Variants in NFE2L2 observed in about 807,000 individuals in gnomAD.
The protein encoded by NFE2L2 is nuclear factor erythroid 2-related factor 2.
Under a neutral mutation model 49.6 loss-of-function variants are expected in NFE2L2, and 20 were observed. The ratio of observed to expected loss-of-function variants is 0.40; its 90% CI spans 0.28 to 0.59. NFE2L2 has a LOEUF of 0.59. NFE2L2 is among the 20% of genes least tolerant of loss of function. The pLI is 0.40. For synonymous variants in NFE2L2, 244 were observed against 256.5 expected (o/e 0.95, Z 0.47); for missense variants, 578 against 714.2 (o/e 0.81, Z 2.17).
chr2:177,236,064 T>G (rs987736654), intron 1 of NFE2L2, among the ~76,000 whole-genome samples: 4 of 152,278 alleles, frequency 2.6e-5, no homozygotes, highest in Non-Finnish European at 4.4e-5. Context: ...GAGTTGGGAC[T>G]TGAAGGCCAG....
intron 1 of NFE2L2, among the ~76,000 whole-genome samples, chr2:177,260,510 A>G (rs1396989600): frequency 1.3e-5 from 2 of 152,232 alleles, no homozygotes; most frequent in African/African-American, 4.8e-5. Context: ...ACTAGATAAG[A>G]GTTGAGCCCT....
intron 1 of NFE2L2, among the ~76,000 whole-genome samples, chr2:177,247,706 A>T (rs902925148): frequency 2.6e-5 from 4 of 152,048 alleles, no homozygotes; most frequent in African/African-American, 9.7e-5. Context: ...AAAAAAAGAA[A>T]AAAGAATAAA....
intron 1 of NFE2L2, among the ~76,000 whole-genome samples, chr2:177,248,947 T>A (rs1402629310): frequency 6.6e-6 from 1 of 152,122 alleles, no homozygotes; most frequent in Non-Finnish European, 1.5e-5. Flanking sequence ...ACAGGCATGA[T>A]GGCTCACACC....
At chr2:177,234,470 AAAC>A (rs770722827) in intron 1 of NFE2L2, among the ~76,000 whole-genome samples, 199 bp from the exon 2 acceptor site, 2 of 152,256 alleles carry the variant, frequency 1.3e-5, no homozygotes, top group Non-Finnish European at 2.9e-5. Flanking sequence ...TAAAGACAAC[AAAC>A]AACCTACAAA....
chr2:177,242,775 C>T (rs138239588), intron 1 of NFE2L2, among the ~76,000 whole-genome samples: 19 of 152,218 alleles, frequency 1.2e-4, no homozygotes, highest in African/African-American at 4.6e-4. Flanking sequence ...ATGCAGAGTT[C>T]GGTCAAAAAG....
At chr2:177,250,398 A>G (rs1690292626) in intron 1 of NFE2L2, among the ~76,000 whole-genome samples, 1 of 152,228 alleles carries the variant, frequency 6.6e-6, no homozygotes, top group Non-Finnish European at 1.5e-5. Context: ...CTTTCATATT[A>G]AGATCTGAGA....
chr2:177,234,615 A>T (rs539915127), intron 1 of NFE2L2, among the ~76,000 whole-genome samples: 1 of 152,374 alleles, frequency 6.6e-6, no homozygotes, highest in Non-Finnish European at 1.5e-5. Flanking sequence ...TAGAAATTAG[A>T]GCAAGCACTC....
chr2:177,259,517 AT>A (rs903390743), intron 1 of NFE2L2, among the ~76,000 whole-genome samples: 2 of 152,218 alleles, frequency 1.3e-5, no homozygotes, highest in African/African-American at 2.4e-5. Context: ...AATATACTTA[AT>A]AATCATAGTT....
intron 1 of NFE2L2, among the ~76,000 whole-genome samples, chr2:177,240,243 C>A (rs141783702): frequency 6.6e-6 from 1 of 152,296 alleles, no homozygotes; most frequent in Non-Finnish European, 1.5e-5. Flanking sequence ...GCACAGAAAT[C>A]CAGGGCTTTG....
chr2:177,231,510 T>C lies in NFE2L2; in HGVS notation c.1093A>G (p.Ser365Gly). The change falls in exon 5 of 5, where the codon AGC (serine) becomes GGC (glycine). Residue 365 changes from serine to glycine, a missense_variant. Transcript: ENST00000397062. ...AGGCCAAGTAGTGTGTCTCCATAGCTGGAAGATTCCACTGAGTGTTCTGGT... is the reference window on the plus strand; with the variant it reads ...AGGCCAAGTAGTGTGTCTCCATAGCCGGAAGATTCCACTGAGTGTTCTGGT... ...ASPEHSVESS[S>G]YGDTLLGLSD... 1 of 1,614,236 alleles carries C rather than the reference T, an allele frequency of 6.2e-7. No individual in the cohort carries two copies. Among genetic ancestry groups the C allele is most frequent in the Non-Finnish European group, 8.5e-7 (1 of 1,180,022 alleles).
At chr2:177,244,564 A>T (rs2105473234) in intron 1 of NFE2L2, among the ~76,000 whole-genome samples, 1 of 152,276 alleles carries the variant, frequency 6.6e-6, no homozygotes, top group South Asian at 2.1e-4. Flanking sequence ...ACCTCACAGA[A>T]GAGGTAACGA....
At chr2:177,257,197 GCT>G (rs1690556495) in intron 1 of NFE2L2, among the ~76,000 whole-genome samples, 1 of 152,228 alleles carries the variant, frequency 6.6e-6, no homozygotes, top group South Asian at 2.1e-4. Context: ...CAGGAACACA[GCT>G]TCCTAGAGTA....
At chr2:177,260,871 A>T (rs1387902783) in intron 1 of NFE2L2, among the ~76,000 whole-genome samples, 1 of 152,170 alleles carries the variant, frequency 6.6e-6, no homozygotes, top group Non-Finnish European at 1.5e-5. Flanking sequence ...TTTTAAAACT[A>T]TTATTATATT....
At position 177,235,195 on chromosome 2, in the gene NFE2L2, G is replaced by T. The variant is rs1024586883; in HGVS notation, c.46-924C>A. 5.3e-5 allele frequency among the ~76,000 whole-genome samples: 8 copies of T among 152,294 alleles called. No individual in the cohort carries two copies. The South Asian group carries it at 1.7e-3, about 32-fold the overall frequency. The stretch of plus-strand genomic sequence containing the variant: ...AAGCCCAGCACTTTGGGAGGCTGAG[G>T]CAGGTGGATTGCTTGAGCCCAGGAG... On this transcript the variant is annotated intron_variant, in intron 1 of 4. Transcript: ENST00000397062.
chr2:177,245,682 T>C (rs1304658604), intron 1 of NFE2L2, among the ~76,000 whole-genome samples: 1 of 151,916 alleles, frequency 6.6e-6, no homozygotes, highest in African/African-American at 2.4e-5. Flanking sequence ...CAATCTCAGC[T>C]CACTGCAACC....
chr2:177,230,653 T>C lies in NFE2L2; in HGVS notation c.*132A>G. The C allele has an allele frequency of 9.7e-7, 1 of 1,029,566 alleles. No individual in the cohort carries two copies. The allele number at this position is 1,029,566 out of a possible 1,614,324, so 63.8% of individuals were successfully genotyped here. A position where few individuals can be genotyped will look rare whatever the true frequency, so the allele number is the denominator to read the frequency against. On this transcript the variant is annotated 3_prime_UTR_variant, in exon 5 of 5. Transcript: ENST00000397062. ...CAATGCTTTTTAAAGTTTCGTATTA[T>C]TTTCTATACTAGTTTTGGCTATGAT...
chr2:177,263,805 G>A (rs2105501602), intron 1 of NFE2L2: 1 of 985,506 alleles, frequency 1.0e-6, no homozygotes, highest in East Asian at 1.1e-4. Context: ...GAAAGTGCGC[G>A]GGGCCCGGCT....
At chr2:177,249,780 T>C (rs1690267678) in intron 1 of NFE2L2, among the ~76,000 whole-genome samples, 1 of 152,230 alleles carries the variant, frequency 6.6e-6, no homozygotes, top group Non-Finnish European at 1.5e-5. Context: ...AAATGTAGTC[T>C]TGCCAACACT....
chr2:177,243,803 T>A (rs1690022068), intron 1 of NFE2L2, among the ~76,000 whole-genome samples: 1 of 152,116 alleles, frequency 6.6e-6, no homozygotes, highest in South Asian at 2.1e-4. Flanking sequence ...CTGTGCCTGG[T>A]CAATTTTCAG....
Sources: gnomAD v4.1 joint callset for allele counts (sites outside exome capture counted in the v4.1 genomes callset) on GRCh38, gnomAD v4.1.1 for gene constraint, MANE v1.5 for transcripts, NCBI Gene and HGNC (gene_info 2026-07-23, HGNC 2026-07-21) for gene names.